The following GPC5 variants were observed in gnomAD, a reference collection of about 807,000 sequenced individuals.
GPC5 encodes the protein glypican 5.
Under a neutral mutation model 53.9 loss-of-function variants are expected in GPC5, and 47 were observed. The observed-to-expected ratio is 0.87, with a 90% CI of 0.69 to 1.11. The LOEUF (loss-of-function observed/expected upper bound fraction) is 1.11, where lower values mean the gene tolerates loss of function less well. Among genes scored for constraint, GPC5 ranks in the 50% most tolerant of loss-of-function variants. The probability of loss-of-function intolerance (pLI) is 0.00; values close to 1 mark genes in which losing one functional copy is unlikely to be tolerated. For missense variants in GPC5, 748 were observed against 713.1 expected (o/e 1.05, Z -0.56); for synonymous variants, 286 against 263.3 (o/e 1.09, Z -0.84).
chr13:91,499,783 A>G (rs952218863), intron 2 of GPC5, among the ~76,000 whole-genome samples: 6 of 152,132 alleles, frequency 3.9e-5, no homozygotes, highest in African/African-American at 1.4e-4. Context: ...TCAACTCCTA[A>G]GTTTGGTAAT....
chr13:92,406,843 C>T (rs1430537888), intron 7 of GPC5, among the ~76,000 whole-genome samples: 1 of 152,062 alleles, frequency 6.6e-6, no homozygotes, highest in Non-Finnish European at 1.5e-5. Flanking sequence ...CCTCCTGTAT[C>T]CTGATAAGTA....
At chr13:92,622,790 T>C (rs1417309287) in intron 7 of GPC5, among the ~76,000 whole-genome samples, 1 of 152,148 alleles carries the variant, frequency 6.6e-6, no homozygotes, top group East Asian at 1.9e-4. Flanking sequence ...CAGTGTCTTA[T>C]CAAATTTAAT....
At chr13:92,817,424 C>G (rs1399639995) in intron 7 of GPC5, among the ~76,000 whole-genome samples, 1 of 151,878 alleles carries the variant, frequency 6.6e-6, no homozygotes. Flanking sequence ...CTATATGTTA[C>G]TATGACATTA....
chr13:92,765,150 T>C (rs1276582146), intron 7 of GPC5, among the ~76,000 whole-genome samples: 2 of 152,176 alleles, frequency 1.3e-5, no homozygotes, highest in East Asian at 1.9e-4. Flanking sequence ...CAGTGTAGAA[T>C]AGCCTCATTA....
intron 2 of GPC5, among the ~76,000 whole-genome samples, chr13:91,498,060 G>A (rs901237120): frequency 6.0e-5 from 9 of 150,632 alleles, no homozygotes; most frequent in Non-Finnish European, 1.3e-4. Context: ...ACCTCTTACC[G>A]TGGCCTCTAA....
chr13:91,684,972 C>T (rs1566608006), intron 2 of GPC5, among the ~76,000 whole-genome samples: 1 of 152,190 alleles, frequency 6.6e-6, no homozygotes, highest in East Asian at 1.9e-4. Flanking sequence ...TCTACCTTCT[C>T]TGAGCCCCCT....
intron 7 of GPC5, among the ~76,000 whole-genome samples, chr13:92,381,930 GATT>G (rs2043750344): frequency 1.7e-5 from 1 of 58,378 alleles, no homozygotes; most frequent in Admixed American, 1.9e-4. Context: ...TCATATATAT[GATT>G]ATATATGAAA....
chr13:91,805,712 T>G (rs1206600683), intron 5 of GPC5, among the ~76,000 whole-genome samples: 1 of 152,174 alleles, frequency 6.6e-6, no homozygotes, highest in Non-Finnish European at 1.5e-5. Flanking sequence ...AATTATAACT[T>G]CAAATCTGAC....
intron 5 of GPC5, among the ~76,000 whole-genome samples, chr13:91,842,699 C>T (rs1211465490): frequency 2.1e-5 from 2 of 94,872 alleles, no homozygotes; most frequent in South Asian, 5.2e-4. Context: ...AGCGAGACTC[C>T]GTCTCAAAAA....
chr13:92,795,189 A>G (rs1876622827), intron 7 of GPC5, among the ~76,000 whole-genome samples: 2 of 152,254 alleles, frequency 1.3e-5, no homozygotes, highest in African/African-American at 4.8e-5. Flanking sequence ...AAACAGATAT[A>G]TAGACCAATG....
At chr13:92,836,524 C>CAAGTT (rs1469509042) in intron 7 of GPC5, among the ~76,000 whole-genome samples, 4 of 152,004 alleles carry the variant, frequency 2.6e-5, no homozygotes, top group African/African-American at 9.7e-5. Context: ...CTGTTTATGA[C>CAAGTT]ATACAAATTT....
At chr13:92,595,902 T>C (rs1232603521) in intron 7 of GPC5, among the ~76,000 whole-genome samples, 3 of 152,168 alleles carry the variant, frequency 2.0e-5, no homozygotes, top group Non-Finnish European at 4.4e-5. Context: ...CCCTGAGCTC[T>C]ATCAAAATCA....
At chr13:92,031,881 A>C (rs2040853886) in intron 6 of GPC5, among the ~76,000 whole-genome samples, 2 of 96,726 alleles carry the variant, frequency 2.1e-5, no homozygotes, top group African/African-American at 7.9e-5. Context: ...TATAACATAT[A>C]TTTTATATAT....
At position 91,503,264 on chromosome 13, in the gene GPC5, C is replaced by T. The variant is rs575765834; in HGVS notation, c.325+54342C>T. ...GAGAGATTATGTCTTTACTTTTTGA[C>T]TAAAATTTCTAGAAACAATTTGAAC... On this transcript the variant is annotated intron_variant, in intron 2 of 7. Transcript: ENST00000377067. Among the ~76,000 whole-genome samples, 283 of 152,008 alleles carry T rather than the reference C, an allele frequency of 1.9e-3. 1 individual carries two copies. The highest frequency in any genetic ancestry group is 3.4e-3 in the Middle Eastern group (1 of 294).
chr13:91,546,190 T>G (rs1454155950), intron 2 of GPC5, among the ~76,000 whole-genome samples: 2 of 152,112 alleles, frequency 1.3e-5, no homozygotes, highest in Non-Finnish European at 2.9e-5. Flanking sequence ...TGGCTACCTA[T>G]CTATAGTAGA....
rs1031022055 is a variant in GPC5 at position 92,488,976 on chromosome 13, C to G, written c.1561+343987C>G. Among the ~76,000 whole-genome samples, 5 of 152,240 alleles carry G rather than the reference C, an allele frequency of 3.3e-5. No individual in the cohort carries two copies. The East Asian group carries it at 7.7e-4, about 23-fold the overall frequency. On this transcript the variant is annotated intron_variant, in intron 7 of 7. Transcript: ENST00000377067. Reference sequence around the variant, plus strand: ...TCAGGGGAATGGTTTCAAGTTTAGACAGAATTATATACAAGTTCCCAGATG... The same window carrying G: ...TCAGGGGAATGGTTTCAAGTTTAGAGAGAATTATATACAAGTTCCCAGATG...
At chr13:92,034,138 C>A (rs2040874822) in intron 6 of GPC5, among the ~76,000 whole-genome samples, 1 of 152,120 alleles carries the variant, frequency 6.6e-6, no homozygotes, top group Non-Finnish European at 1.5e-5. Context: ...ACTATAACCT[C>A]ATTCATAAAA....
intron 6 of GPC5, among the ~76,000 whole-genome samples, chr13:92,121,700 A>G (rs1265090989): frequency 1.3e-5 from 2 of 152,118 alleles, no homozygotes; most frequent in African/African-American, 2.4e-5. Flanking sequence ...TAGCCAGACT[A>G]TCAGGACAAT....
chr13:92,799,729 C>G (rs1234767722), intron 7 of GPC5, among the ~76,000 whole-genome samples: 1 of 151,720 alleles, frequency 6.6e-6, no homozygotes, highest in Non-Finnish European at 1.5e-5. Flanking sequence ...TGTCGTCAAC[C>G]CTATCAAGGA....
Sources: gnomAD v4.1 joint callset for allele counts (sites outside exome capture counted in the v4.1 genomes callset) on GRCh38, gnomAD v4.1.1 for gene constraint, MANE v1.5 for transcripts, NCBI Gene and HGNC (gene_info 2026-07-23, HGNC 2026-07-21) for gene names.